The following TMC3 variants were observed in gnomAD, a reference collection of about 807,000 sequenced individuals.
TMC3 encodes transmembrane channel like 3, also known as transmembrane channel-like protein 3.
Under a neutral mutation model 110.6 loss-of-function variants are expected in TMC3, and 98 were observed. The observed-to-expected ratio is 0.89, with a 90% CI of 0.75 to 1.05. TMC3 has a LOEUF of 1.05. Ranked by LOEUF, TMC3 falls within the 50% of genes least tolerant of loss-of-function variation. The probability of loss-of-function intolerance (pLI) is 0.00; values close to 1 mark genes in which losing one functional copy is unlikely to be tolerated. For synonymous variants in TMC3, 489 were observed against 513.1 expected (o/e 0.95, Z 0.63); for missense variants, 1,319 against 1,373.2 (o/e 0.96, Z 0.62).
chr15:81,351,997 C>T (rs1893962608), intron 9 of TMC3, among the ~76,000 whole-genome samples, 156 bp from the exon 10 acceptor site: 1 of 152,274 alleles, frequency 6.6e-6, no homozygotes, highest in Non-Finnish European at 1.5e-5. Flanking sequence ...CCACCCAGCA[C>T]CCTAGAATTC....
intron 4 of TMC3, chr15:81,362,009 G>T (rs1567068805): frequency 2.3e-6 from 1 of 438,020 alleles, no homozygotes; most frequent in Non-Finnish European, 4.2e-6. Flanking sequence ...AATGTGGAAA[G>T]GCCCACGTCC....
intron 19 of TMC3, chr15:81,337,501 G>A (rs147778230): frequency 7.9e-5 from 32 of 403,798 alleles, no homozygotes; most frequent in African/African-American, 6.1e-4. Context: ...TTGGGAAGGG[G>A]CCCTTTCTCT....
At chr15:81,341,544 G>T (rs773131926) in intron 15 of TMC3, 26 bp from the exon 16 acceptor site, 6 of 1,601,770 alleles carry the variant, frequency 3.7e-6, no homozygotes, top group Non-Finnish European at 5.1e-6. Flanking sequence ...AGGTCAGTTT[G>T]CATCTGTTCT....
intron 10 of TMC3, among the ~76,000 whole-genome samples, 175 bp downstream of exon 10, chr15:81,351,518 AT>A (rs1405021842): frequency 2.0e-5 from 3 of 151,754 alleles, no homozygotes; most frequent in African/African-American, 7.3e-5. Flanking sequence ...CGCCCAGCTA[AT>A]TTTTGTGTTT....
intron 13 of TMC3, 150 bp from the exon 14 acceptor site, chr15:81,344,195 G>A (rs1026369757): frequency 5.3e-6 from 4 of 756,698 alleles, no homozygotes; most frequent in East Asian, 3.0e-5. Flanking sequence ...TTTGTAAGTT[G>A]CAGTGGGCAG....
In TMC3 at chr15:81,346,407, C is replaced by T; in HGVS notation, c.1230G>A (p.Leu410=). 3 of 1,613,746 alleles carry T rather than the reference C, an allele frequency of 1.9e-6. No homozygotes were observed. The highest frequency in any genetic ancestry group is 2.2e-5 in the East Asian group (1 of 44,868). ...LVLYLGNLYS[L]IIALLDKVNS... The stretch of plus-strand genomic sequence containing the variant: ...TAACTTTGTCCAGGAGAGCAATGAT[C>T]AGGCTGTAGAGATTTCCCAAATACA... The change falls in exon 12 of 22, where the codon CTG becomes CTA. Residue 410 remains leucine, a synonymous_variant. Coordinates refer to ENST00000359440, the MANE Select transcript of TMC3 (RefSeq NM_001080532.3).
Position 81,351,800 on chromosome 15 carries a change from A to T in TMC3, c.977T>A (p.Val326Glu). The change falls in exon 10 of 22, where the codon GTG becomes GAG. Residue 326 changes from valine to glutamate, a missense_variant. Physicochemically the swap from Val to Glu is moderately radical, Grantham distance 121. Transcript: ENST00000359440. ...ICLRIIANIL[V>E]LLSLAGSIYL... ...AATGCTCCCAGCCAGTGAGAGAAGC[A>T]CCAGGATGTTGGCAATAATCCTCAG... 5 of 1,611,290 alleles carry T rather than the reference A, an allele frequency of 3.1e-6. No homozygotes were observed. Among genetic ancestry groups the T allele is most frequent in the Non-Finnish European group, 3.4e-6 (4 of 1,178,830 alleles).
intron 21 of TMC3, 102 bp from the exon 22 acceptor site, chr15:81,333,364 G>C (rs1893518593): frequency 6.8e-7 from 1 of 1,477,996 alleles, no homozygotes; most frequent in South Asian, 1.4e-5. Context: ...TTTTCACTGA[G>C]GCTGGTTCCA....
intron 20 of TMC3, chr15:81,335,997 G>A (rs1893585576): frequency 6.6e-6 from 1 of 152,238 alleles, no homozygotes; most frequent in Non-Finnish European, 1.5e-5. Flanking sequence ...GATTCTTTGG[G>A]CTTTCATCCA....
In TMC3 at chr15:81,338,753, C is replaced by T; in HGVS notation, c.1983G>A (p.Val661=). The T allele has an allele frequency of 6.2e-7, 1 of 1,613,866 alleles. No homozygotes were observed. Among genetic ancestry groups the T allele is most frequent in the Non-Finnish European group, 8.5e-7 (1 of 1,179,836 alleles). Reference sequence around the variant, plus strand: ...GAAAGTCTTTCTCAATCGTTTCTGACACAATGTCATAAATTTTCTCTTGTC... The same window carrying T: ...GAAAGTCTTTCTCAATCGTTTCTGATACAATGTCATAAATTTTCTCTTGTC... ...FSGQEKIYDI[V]SETIEKDFPV... The change falls in exon 18 of 22, where the codon GTG becomes GTA. Residue 661 remains valine (V), a synonymous_variant. Coordinates refer to ENST00000359440, the MANE Select transcript of TMC3 (RefSeq NM_001080532.3).
rs1326045220 is a variant in TMC3, at chr15:81,333,185, TGC to T, written c.2535_2536del (p.Ile847ArgfsTer44). ...AGGTTCTGAGTGTACATCTTCGATG[TGC>T]GTTGTAAATGTCATAGGTGTGCGCG... On this transcript the variant is annotated frameshift_variant, in exon 22 of 22. Coordinates refer to ENST00000359440, the MANE Select transcript of TMC3 (RefSeq NM_001080532.3). LOFTEE classifies it low-confidence loss of function (END_TRUNC). The T allele has an allele frequency of 8.1e-6, 13 of 1,613,900 alleles. No homozygotes were observed. The highest frequency in any genetic ancestry group is 1.1e-5 in the Non-Finnish European group (13 of 1,179,908).
At chr15:81,373,133 CA>C (rs1894475288) in intron 1 of TMC3, among the ~76,000 whole-genome samples, 1 of 152,056 alleles carries the variant, frequency 6.6e-6, no homozygotes, top group African/African-American at 2.4e-5. Flanking sequence ...TTGAAATAAT[CA>C]GCTAATTTTA....
chr15:81,340,222 CTG>C (rs1009195880), intron 16 of TMC3, among the ~76,000 whole-genome samples: 8 of 117,702 alleles, frequency 6.8e-5, no homozygotes, highest in African/African-American at 3.4e-4. Context: ...CTCTCTGTCT[CTG>C]TCTCTCTCTC....
chr15:81,349,419 G>A, intron 11 of TMC3, 39 bp downstream of exon 11: 1 of 1,346,220 alleles, frequency 7.4e-7, no homozygotes, highest in Non-Finnish European at 9.8e-7. Flanking sequence ...GGGCACATGG[G>A]TGAGCCACAG....
rs1893755760 is a variant in TMC3, at chr15:81,343,437, T to C, written c.1648-92A>G. 4.9e-6 allele frequency: 4 copies of C among 816,552 alleles called. No individual in the cohort carries two copies. In the East Asian group the frequency reaches 7.3e-5, roughly 15 times the overall value. The allele number at this position is 816,552 out of a possible 1,614,324, so 50.6% of individuals were successfully genotyped here. A position where few individuals can be genotyped will look rare whatever the true frequency, so the allele number is the denominator to read the frequency against. On this transcript the variant is annotated intron_variant, in intron 14 of 21. Coordinates refer to ENST00000359440, the MANE Select transcript of TMC3 (RefSeq NM_001080532.3). Reference sequence around the variant, plus strand: ...CAGACACCTATATAGACTTCTTTGCTCTTATGAACACTTAGAGATCAGTGC... The same window carrying C: ...CAGACACCTATATAGACTTCTTTGCCCTTATGAACACTTAGAGATCAGTGC...
In TMC3 at chr15:81,337,841, C is replaced by T; in HGVS notation, c.2160+5G>A. On this transcript the variant is annotated splice_donor_5th_base_variant and intron_variant, in intron 19 of 21. Coordinates refer to ENST00000359440, the MANE Select transcript of TMC3 (RefSeq NM_001080532.3). ...TCATAATAGCAAAGTTCATGAAATACTTGCGTTTTGGATCTGCATTTTGAG... is the reference window on the plus strand; with the variant it reads ...TCATAATAGCAAAGTTCATGAAATATTTGCGTTTTGGATCTGCATTTTGAG... 1 of 1,612,260 alleles carries T rather than the reference C, an allele frequency of 6.2e-7. No individual in the cohort carries two copies. The highest frequency in any genetic ancestry group is 8.5e-7 in the Non-Finnish European group (1 of 1,178,248).
At chr15:81,359,575 G>T (rs1894143744) in intron 4 of TMC3, 104 bp from the exon 5 acceptor site, 1 of 702,780 alleles carries the variant, frequency 1.4e-6, no homozygotes, top group Non-Finnish European at 2.3e-6. Context: ...ACGGGACATA[G>T]AGTAAGAATG....
At chr15:81,334,594 G>T (rs1282034620) in intron 21 of TMC3, 126 bp downstream of exon 21, 4 of 1,298,644 alleles carry the variant, frequency 3.1e-6, no homozygotes, top group South Asian at 1.6e-5. Context: ...AGTACCAGCT[G>T]TCATAGTCTC....
In TMC3 at chr15:81,368,373, T is replaced by TA. The variant is rs536261711; in HGVS notation, c.237-46dup. ...ATGGTGAACACAATTGTATCACACTTACAATTTCTGCAAAATGTGTAAAAA... is the reference window on the plus strand; with the variant it reads ...ATGGTGAACACAATTGTATCACACTTAACAATTTCTGCAAAATGTGTAAAAA... On this transcript the variant is annotated intron_variant, in intron 2 of 21. Coordinates refer to ENST00000359440, the MANE Select transcript of TMC3 (RefSeq NM_001080532.3). 1.0e-5 allele frequency: 15 copies of TA among 1,497,410 alleles called. No individual in the cohort carries two copies. In the East Asian group the frequency reaches 3.4e-4, roughly 34 times the overall value. 92.8% of individuals were successfully genotyped at this position (1,497,410 alleles called of 1,614,324 possible). A position where few individuals can be genotyped will look rare whatever the true frequency, so the allele number is the denominator to read the frequency against.
Sources: allele counts gnomAD v4.1 joint callset (sites outside exome capture counted in the v4.1 genomes callset), GRCh38; gene constraint gnomAD v4.1.1; transcripts MANE v1.5; gene names NCBI Gene and HGNC (gene_info 2026-07-23, HGNC 2026-07-21).